Variants in DNAJB6 observed in about 807,000 individuals in gnomAD.
The protein encoded by DNAJB6 is dnaJ homolog subfamily B member 6.
DNAJB6 carries 16 observed loss-of-function variants against 42.7 expected under a neutral mutation model. The ratio of observed to expected loss-of-function variants is 0.37; its 90% CI spans 0.25 to 0.57. The LOEUF (loss-of-function observed/expected upper bound fraction) is 0.57, where lower values mean the gene tolerates loss of function less well. Among genes scored for constraint, DNAJB6 ranks in the 20% least tolerant of loss-of-function variants. DNAJB6 has a pLI of 0.74. For synonymous variants in DNAJB6, 170 were observed against 163.5 expected (o/e 1.04, Z -0.30); for missense variants, 347 against 416.8 (o/e 0.83, Z 1.46).
intron 1 of DNAJB6, among the ~76,000 whole-genome samples, chr7:157,347,986 G>GTAT (rs1798773663): frequency 1.3e-5 from 2 of 151,676 alleles, no homozygotes; most frequent in Non-Finnish European, 2.9e-5. Context: ...AGTAGAGATG[G>GTAT]TGTTACGTCA....
At chr7:157,407,541 C>T (rs972770110) in intron 8 of DNAJB6, among the ~76,000 whole-genome samples, 1 of 152,128 alleles carries the variant, frequency 6.6e-6, no homozygotes, top group African/African-American at 2.4e-5. Context: ...TCTGGTTGGC[C>T]CTTTGCTGCT....
At chr7:157,355,019 G>A (rs1247230250) in intron 1 of DNAJB6, among the ~76,000 whole-genome samples, 2 of 152,206 alleles carry the variant, frequency 1.3e-5, no homozygotes, top group African/African-American at 2.4e-5. Flanking sequence ...AAGTGCCCAG[G>A]AGAGGCCTGA....
intron 9 of DNAJB6, chr7:157,411,277 G>A (rs112365795): frequency 0.057 from 170 of 2,966 alleles, 29 homozygotes; most frequent in African/African-American, 0.26. Context: ...CTGAGCGGGC[G>A]TGGGGAAGGT....
At chr7:157,410,288 C>A in intron 9 of DNAJB6, 1 of 597,394 alleles carries the variant, frequency 1.7e-6, no homozygotes, top group African/African-American at 1.9e-5. Context: ...GTGCGAGGTG[C>A]TGCTTTTACC....
At chr7:157,345,180 G>A (rs1798620180) in intron 1 of DNAJB6, among the ~76,000 whole-genome samples, 1 of 151,934 alleles carries the variant, frequency 6.6e-6, no homozygotes, top group Admixed American at 6.6e-5. Context: ...TTTTTGTAGA[G>A]ACAGGATTTC....
At chr7:157,387,402 T>C (rs1801122143) in intron 8 of DNAJB6, among the ~76,000 whole-genome samples, 1 of 152,142 alleles carries the variant, frequency 6.6e-6, no homozygotes, top group Non-Finnish European at 1.5e-5. Flanking sequence ...GAAATCCCAC[T>C]CACAACTAGC....
At chr7:157,340,036 C>G (rs940982068) in intron 1 of DNAJB6, 1 of 152,216 alleles carries the variant, frequency 6.6e-6, no homozygotes, top group African/African-American at 2.4e-5. Flanking sequence ...GCACAGACAC[C>G]TTACTGTCGT....
intron 1 of DNAJB6, among the ~76,000 whole-genome samples, chr7:157,339,350 T>C (rs1199464302): frequency 7.1e-6 from 1 of 139,954 alleles, no homozygotes; most frequent in Admixed American, 7.9e-5. Flanking sequence ...CCGTAATTAA[T>C]GCGGTGGCGC....
At chr7:157,414,500 C>G (rs1052992032) in intron 9 of DNAJB6, 1 of 152,298 alleles carries the variant, frequency 6.6e-6, no homozygotes, top group African/African-American at 2.4e-5. Context: ...CCTCTGCAGC[C>G]GCCAACGGCA....
In DNAJB6 at chr7:157,410,068, G is replaced by A. The variant is rs1795919943; in HGVS notation, c.898+67G>A. The A allele has an allele frequency of 5.4e-6, 8 of 1,469,836 alleles. No homozygotes were observed. In the South Asian group the frequency reaches 8.1e-5, roughly 15 times the overall value. 91.0% of individuals were successfully genotyped at this position (1,469,836 alleles called of 1,614,324 possible). ...ACTTCTCTGGGTGCCAGAGGACAGCGAGGACACAAACCGCGCCTGGGCTGC... is the reference window on the plus strand; with the variant it reads ...ACTTCTCTGGGTGCCAGAGGACAGCAAGGACACAAACCGCGCCTGGGCTGC... On this transcript the variant is annotated intron_variant, in intron 9 of 9. Transcript: ENST00000262177.
chr7:157,363,126 T>G (rs1207697353), intron 2 of DNAJB6, 35 bp from the exon 3 acceptor site: 16 of 1,429,136 alleles, frequency 1.1e-5, no homozygotes, highest in Non-Finnish European at 1.5e-5. Context: ...ATTTCTGGAT[T>G]TAGAATGTGA....
intron 5 of DNAJB6, chr7:157,369,398 C>T (rs777166468): frequency 5.9e-5 from 27 of 456,540 alleles, no homozygotes; most frequent in East Asian, 1.4e-4. Context: ...GTGTTCTGAT[C>T]GGTGATTCTC....
chr7:157,402,066 G>A (rs1291597834), intron 8 of DNAJB6, among the ~76,000 whole-genome samples: 3 of 152,240 alleles, frequency 2.0e-5, no homozygotes, highest in African/African-American at 7.2e-5. Context: ...TCAGGCTGCT[G>A]TTGTGTTGAG....
Position 157,362,509 on chromosome 7 carries a change from G to C in DNAJB6, c.66-652G>C. Among the ~76,000 whole-genome samples, 2 of 152,046 alleles carry C rather than the reference G, an allele frequency of 1.3e-5. 1 individual carries two copies. The highest frequency in any genetic ancestry group is 3.9e-4 in the East Asian group (2 of 5,166). ...CCTGCCGCAGCCTCCTGAGTAGCTGGGATTACAGTCAAGTACCACAATGCC... is the reference window on the plus strand; with the variant it reads ...CCTGCCGCAGCCTCCTGAGTAGCTGCGATTACAGTCAAGTACCACAATGCC... On this transcript the variant is annotated intron_variant, in intron 2 of 9. Coordinates refer to ENST00000262177, the MANE Select transcript of DNAJB6 (RefSeq NM_058246.4).
chr7:157,339,789 C>G (rs1331862073), intron 1 of DNAJB6: 2 of 152,362 alleles, frequency 1.3e-5, no homozygotes, highest in African/African-American at 2.4e-5. Context: ...CCACGCCCAG[C>G]TAATTTTTTC....
chr7:157,370,577 A>G (rs1258459455), intron 5 of DNAJB6, among the ~76,000 whole-genome samples: 1 of 152,232 alleles, frequency 6.6e-6, no homozygotes, highest in African/African-American at 2.4e-5. Flanking sequence ...AAGAAGGTAT[A>G]GAGATCTAAT....
At position 157,385,021 on chromosome 7, in the gene DNAJB6, T is replaced by G; in HGVS notation, c.620+13T>G. 1 of 1,610,466 alleles carries G rather than the reference T, an allele frequency of 6.2e-7. No individual in the cohort carries two copies. Among genetic ancestry groups the G allele is most frequent in the Non-Finnish European group, 8.5e-7 (1 of 1,177,570 alleles). On this transcript the variant is annotated intron_variant, in intron 7 of 9. Coordinates refer to ENST00000262177, the MANE Select transcript of DNAJB6 (RefSeq NM_058246.4). ...TCACTACAAAGAGGTACTGTGGTAT[T>G]CTGCATTTTATATTTTTAGTAAGCA...
At chr7:157,406,010 G>A (rs530841134) in intron 8 of DNAJB6, among the ~76,000 whole-genome samples, 2 of 152,378 alleles carry the variant, frequency 1.3e-5, no homozygotes, top group African/African-American at 2.4e-5. Flanking sequence ...AGTGCCGGGC[G>A]TGTAGCCAGG....
intron 1 of DNAJB6, among the ~76,000 whole-genome samples, chr7:157,351,164 C>T (rs1331049296): frequency 6.6e-6 from 1 of 151,996 alleles, no homozygotes; most frequent in East Asian, 1.9e-4. Flanking sequence ...GAACTCTCTA[C>T]CTCAGGTGAT....
Sources: gnomAD v4.1 joint callset for allele counts (sites outside exome capture counted in the v4.1 genomes callset) on GRCh38, gnomAD v4.1.1 for gene constraint, MANE v1.5 for transcripts, NCBI Gene and HGNC (gene_info 2026-07-23, HGNC 2026-07-21) for gene names.